The following TTLL1 variants were observed in gnomAD, a reference collection of about 807,000 sequenced individuals.
TTLL1 encodes TTL family tubulin polyglutamylase complex subunit L1, also known as polyglutamylase complex subunit TTLL1.
A neutral mutation model predicts 47.8 loss-of-function variants in TTLL1; 33 were observed. That is an observed-to-expected ratio of 0.69 (90% CI 0.52 to 0.92). The LOEUF is 0.92. Among genes scored for constraint, TTLL1 ranks in the 40% least tolerant of loss-of-function variants. The probability of loss-of-function intolerance (pLI) is 0.00; values close to 1 mark genes in which losing one functional copy is unlikely to be tolerated. For synonymous variants in TTLL1, 225 were observed against 214.1 expected (o/e 1.05, Z -0.45); for missense variants, 488 against 547.5 (o/e 0.89, Z 1.08).
intron 1 of TTLL1, among the ~76,000 whole-genome samples, chr22:43,084,053 A>G (rs184898602): frequency 3.7e-4 from 56 of 152,302 alleles, no homozygotes; most frequent in African/African-American, 1.3e-3. Flanking sequence ...TTACCTAACA[A>G]TATCATGGCA....
chr22:43,069,974 A>T, intron 3 of TTLL1, 130 bp from the exon 4 acceptor site: 5 of 1,406,256 alleles, frequency 3.6e-6, no homozygotes, highest in Non-Finnish European at 4.8e-6. Flanking sequence ...CTGGCACCTG[A>T]GCCAGGGGTT....
chr22:43,066,820 T>C (rs187936452), intron 5 of TTLL1, among the ~76,000 whole-genome samples: 1 of 151,024 alleles, frequency 6.6e-6, no homozygotes, highest in African/African-American at 2.4e-5. Flanking sequence ...TAAAACCCCA[T>C]CTCTACTAAA....
rs1304252385 is a variant in TTLL1, at chr22:43,039,835, CCA to C, written c.1211_1212del (p.Leu404ArgfsTer47). 6.2e-7 allele frequency: 1 copy of C among 1,613,944 alleles called. No homozygotes were observed. The highest frequency in any genetic ancestry group is 1.3e-5 in the African/African-American group (1 of 74,912). ...TCTCTCGATCGGCCTGCTCTGGGCCCCAGAGACTGACCCTGACGGCTTCTCAG... is the reference window on the plus strand; with the variant it reads ...TCTCTCGATCGGCCTGCTCTGGGCCCGAGACTGACCCTGACGGCTTCTCAG... ...RELRSRQGQS[L>X]GPRAGRSRDS... On this transcript the variant is annotated frameshift_variant, in exon 11 of 11. Transcript: ENST00000266254. LOFTEE classifies it high-confidence loss of function.
chr22:43,081,059 G>GC (rs1928853178), intron 1 of TTLL1, among the ~76,000 whole-genome samples: 2 of 151,594 alleles, frequency 1.3e-5, no homozygotes, highest in African/African-American at 4.8e-5. Flanking sequence ...GGGATTACAG[G>GC]AGCCCATCAC....
Position 43,049,601 on chromosome 22 carries a change from C to CAA in TTLL1, c.978+2198_978+2199dup, listed in dbSNP as rs34707208. Among the ~76,000 whole-genome samples the CAA allele has an allele frequency of 6.0e-3, 637 of 105,428 alleles. 11 individuals carry two copies. Among genetic ancestry groups the CAA allele is most frequent in the African/African-American group, 0.02 (550 of 28,026 alleles). The allele number at this position is 105,428 out of a possible 152,430, so 69.2% of individuals were successfully genotyped here. A position where few individuals can be genotyped will look rare whatever the true frequency, so the allele number is the denominator to read the frequency against. On this transcript the variant is annotated intron_variant, in intron 9 of 10. Coordinates refer to ENST00000266254, the MANE Select transcript of TTLL1 (RefSeq NM_012263.5). ...ACAACATAGTGAGACCCCATCTCCA[C>CAA]AAAAAAAAAAAAAAAAAATTAGCCA...
chr22:43,074,331 G>A (rs541829867), intron 3 of TTLL1, among the ~76,000 whole-genome samples: 5 of 151,026 alleles, frequency 3.3e-5, no homozygotes, highest in Non-Finnish European at 7.4e-5. Context: ...GGAGGCTAAG[G>A]CAGGAGAATC....
intron 1 of TTLL1, among the ~76,000 whole-genome samples, chr22:43,087,837 CAA>C (rs134988): frequency 7.9e-5 from 5 of 62,944 alleles, no homozygotes; most frequent in Non-Finnish European, 9.7e-5. Flanking sequence ...GAGACGGTCT[CAA>C]AAAAAAAAAA....
intron 3 of TTLL1, among the ~76,000 whole-genome samples, chr22:43,074,152 C>T (rs919108298): frequency 5.3e-5 from 8 of 151,898 alleles, no homozygotes; most frequent in Non-Finnish European, 1.0e-4. Flanking sequence ...CTTGGCCAGG[C>T]ACAGTGGCTC....
intron 10 of TTLL1, among the ~76,000 whole-genome samples, chr22:43,043,402 A>G (rs941081869): frequency 6.6e-6 from 1 of 151,910 alleles, no homozygotes; most frequent in African/African-American, 2.4e-5. Context: ...TGCTACTGAC[A>G]AGTCTCCCCG....
intron 2 of TTLL1, among the ~76,000 whole-genome samples, chr22:43,077,848 T>C (rs1928610622): frequency 6.6e-6 from 1 of 152,182 alleles, no homozygotes; most frequent in Non-Finnish European, 1.5e-5. Context: ...GGCTCACGCC[T>C]ATAATCCCAG....
intron 10 of TTLL1, among the ~76,000 whole-genome samples, chr22:43,044,382 C>T (rs569427020): frequency 3.9e-5 from 6 of 152,256 alleles, no homozygotes; most frequent in African/African-American, 1.2e-4. Context: ...TGAGCTGTAA[C>T]ACGCACATCC....
intron 2 of TTLL1, among the ~76,000 whole-genome samples, chr22:43,077,833 G>A (rs1034514343): frequency 1.8e-4 from 28 of 152,146 alleles, no homozygotes; most frequent in African/African-American, 6.0e-4. Context: ...CTGGCCGGGC[G>A]CGGTGGCTCA....
intron 10 of TTLL1, among the ~76,000 whole-genome samples, chr22:43,045,023 C>A (rs1057441543): frequency 6.6e-6 from 1 of 152,030 alleles, no homozygotes; most frequent in Non-Finnish European, 1.5e-5. Flanking sequence ...CTACCACACC[C>A]GGCTAATTTT....
chr22:43,040,079 G>GC, intron 10 of TTLL1, 174 bp from the exon 11 acceptor site: 1 of 777,980 alleles, frequency 1.3e-6, no homozygotes, highest in Non-Finnish European at 2.0e-6. Flanking sequence ...CAGCCCACCT[G>GC]CCTGCCAGGT....
chr22:43,039,876 C>T lies in TTLL1; in HGVS notation c.1172G>A (p.Gly391Glu), dbSNP rs764655143. The T allele has an allele frequency of 1.2e-6, 2 of 1,613,852 alleles. No individual in the cohort carries two copies. The highest frequency in any genetic ancestry group is 2.2e-5 in the South Asian group (2 of 91,078). The change falls in exon 11 of 11, where the codon GGG (glycine) becomes GAG (glutamate). Residue 391 changes from glycine to glutamate, a missense_variant. Coordinates refer to ENST00000266254, the MANE Select transcript of TTLL1 (RefSeq NM_012263.5). ...ACGGCTTCTCAGCTCCCGGTCAGCC[C>T]CGTCACCCTGGGCCAATTCTTCATC... ...LYDEELAQGDGADRELRSRQG... is the reference protein window; with the variant it reads ...LYDEELAQGDEADRELRSRQG...
At chr22:43,087,791 T>C (rs1175343448) in intron 1 of TTLL1, among the ~76,000 whole-genome samples, 1 of 110,104 alleles carries the variant, frequency 9.1e-6, no homozygotes, top group Non-Finnish European at 1.8e-5. Context: ...TGAGCCAAGA[T>C]CGCACCACTG....
intron 10 of TTLL1, among the ~76,000 whole-genome samples, chr22:43,042,104 C>A (rs1481408733): frequency 7.2e-5 from 11 of 152,196 alleles, no homozygotes; most frequent in Admixed American, 5.9e-4. Flanking sequence ...CACTCCACTG[C>A]CCCCGTGTTT....
intron 8 of TTLL1, among the ~76,000 whole-genome samples, chr22:43,056,614 T>C (rs576301865): frequency 6.6e-6 from 1 of 150,848 alleles, no homozygotes; most frequent in Non-Finnish European, 1.5e-5. Context: ...CGAAACCCTG[T>C]CTCTACTTAA....
rs189207447 is a variant in TTLL1, at chr22:43,076,929, G to A, written c.-4-1339C>T. On this transcript the variant is annotated intron_variant, in intron 2 of 10. Coordinates refer to ENST00000266254, the MANE Select transcript of TTLL1 (RefSeq NM_012263.5). ...ATCCTGGCTAACACAGTAAAACCCC[G>A]TCTCTACTAAAAATACAAAAAATTA... is the stretch of plus-strand genomic sequence containing the variant. Among the ~76,000 whole-genome samples, 266 of 151,414 alleles carry A rather than the reference G, an allele frequency of 1.8e-3. 2 individuals carry two copies. The highest frequency in any genetic ancestry group is 6.9e-3 in the Middle Eastern group (2 of 290).
Sources: allele counts gnomAD v4.1 joint callset (sites outside exome capture counted in the v4.1 genomes callset), GRCh38; gene constraint gnomAD v4.1.1; transcripts MANE v1.5; gene names NCBI Gene and HGNC (gene_info 2026-07-23, HGNC 2026-07-21).